CCDC141: variants seen among roughly 807,000 people sequenced by gnomAD.
CCDC141 encodes coiled-coil domain containing 141, also known as coiled-coil domain-containing protein 141.
A neutral mutation model predicts 181.0 loss-of-function variants in CCDC141; 168 were observed. The observed-to-expected ratio is 0.93, with a 90% confidence interval of 0.82 to 1.05. The LOEUF is 1.05. Among genes scored for constraint, CCDC141 ranks in the 50% least tolerant of loss-of-function variants. The probability of loss-of-function intolerance (pLI) is 0.00; values close to 1 mark genes in which losing one functional copy is unlikely to be tolerated. For synonymous variants in CCDC141, 666 were observed against 642.3 expected, an observed-to-expected ratio of 1.04 and a Z score of -0.56; for missense variants, 1,902 against 1,788.5, an observed-to-expected ratio of 1.06 and a Z score of -1.14.
Position 179,050,073 on chromosome 2 carries a change from A to G in CCDC141, c.-132T>C, listed in dbSNP as rs1457031579. ...TCAGCTCACACTGATTACTCTGCCA[A>G]AAGGAAAGAACAGGAGGTTAAAAAT... On this transcript the variant is annotated 5_prime_UTR_variant, in exon 1 of 24. Transcript: ENST00000443758. The G allele has an allele frequency of 3.6e-6, 5 of 1,392,456 alleles. No homozygotes were observed. The highest frequency in any genetic ancestry group is 1.5e-5 in the African/African-American group (1 of 68,866). The allele number at this position is 1,392,456 out of a possible 1,614,324, so 86.3% of individuals were successfully genotyped here.
intron 2 of CCDC141, among the ~76,000 whole-genome samples, chr2:179,007,414 C>A (rs956110906): frequency 1.3e-5 from 2 of 152,126 alleles, no homozygotes. Flanking sequence ...CTTTAAATCA[C>A]CTCTGTTTAT....
chr2:178,981,636 G>GTATATATATATATATGTATATA (rs1553495301), intron 2 of CCDC141, among the ~76,000 whole-genome samples: 33 of 62,400 alleles, frequency 5.3e-4, no homozygotes, highest in African/African-American at 1.7e-3. Context: ...GTGTGTGTGT[G>GTATATATATATATATGTATATA]TATATATATA....
chr2:178,868,608 C>CAAAA (rs71393439), intron 15 of CCDC141, among the ~76,000 whole-genome samples: 2 of 85,558 alleles, frequency 2.3e-5, no homozygotes, highest in African/African-American at 9.9e-5. Flanking sequence ...ACTTGAAGTG[C>CAAAA]AAAAAAAAAA....
Position 178,983,524 on chromosome 2 carries a change from G to A in CCDC141, c.226-4849C>T, listed in dbSNP as rs537109739. Among the ~76,000 whole-genome samples the A allele has an allele frequency of 1.8e-3, 267 of 148,554 alleles. 5 individuals are homozygous for A. The South Asian group carries it at 0.023, about 13-fold the overall frequency. On this transcript the variant is annotated intron_variant, in intron 2 of 23. Coordinates refer to ENST00000443758, the MANE Select transcript of CCDC141 (RefSeq NM_173648.4). ...AGACGATCAAATTATTCTGAGCTACGGGAGGACATTCAAACCAAAGGCAAA... is the reference window on the plus strand; with the variant it reads ...AGACGATCAAATTATTCTGAGCTACAGGAGGACATTCAAACCAAAGGCAAA...
intron 1 of CCDC141, 146 bp downstream of exon 1, chr2:179,049,694 T>C (rs1326103340): frequency 8.3e-6 from 6 of 722,048 alleles, no homozygotes; most frequent in South Asian, 5.1e-5. Context: ...TTTCTCTTAG[T>C]AGCCCATTTT....
intron 11 of CCDC141, among the ~76,000 whole-genome samples, chr2:178,878,766 TATTTATAA>T (rs1340565393): frequency 6.6e-6 from 1 of 152,208 alleles, no homozygotes; most frequent in Non-Finnish European, 1.5e-5. Context: ...GCCAAAATCA[TATTTATAA>T]ATTCTGTGTT....
intron 2 of CCDC141, among the ~76,000 whole-genome samples, chr2:179,015,525 ATC>A (rs1429896876): frequency 7.3e-6 from 1 of 136,142 alleles, no homozygotes; most frequent in Non-Finnish European, 1.6e-5. Context: ...TATCACATAT[ATC>A]TCATATATAT....
At chr2:178,898,893 A>G (rs1687542256) in intron 8 of CCDC141, among the ~76,000 whole-genome samples, 1 of 152,192 alleles carries the variant, frequency 6.6e-6, no homozygotes, top group Non-Finnish European at 1.5e-5. Context: ...ATACATTAAG[A>G]TAAGTGTTTA....
At chr2:178,940,531 GGGGA>G in intron 6 of CCDC141, among the ~76,000 whole-genome samples, 1 of 152,104 alleles carries the variant, frequency 6.6e-6, no homozygotes, top group Non-Finnish European at 1.5e-5. Context: ...AGAGAATAAA[GGGGA>G]AGACAATAAG....
chr2:178,929,053 CAG>C (rs1272126929), intron 6 of CCDC141, among the ~76,000 whole-genome samples: 3 of 152,132 alleles, frequency 2.0e-5, no homozygotes, highest in Admixed American at 2.0e-4. Flanking sequence ...AAAATGAAGA[CAG>C]GGGAATTGAA....
the CCDC141 span, among the ~76,000 whole-genome samples, chr2:178,823,355 A>T: frequency 1.3e-5 from 2 of 152,224 alleles, no homozygotes; most frequent in African/African-American, 2.4e-5. Context: ...TAAAGCTAAG[A>T]AACAGGCAAG....
At chr2:178,972,334 A>G (rs1690928345) in intron 4 of CCDC141, among the ~76,000 whole-genome samples, 1 of 152,230 alleles carries the variant, frequency 6.6e-6, no homozygotes, top group Non-Finnish European at 1.5e-5. Flanking sequence ...TTGGAATTAT[A>G]TACAAATAAC....
chr2:178,864,538 C>G (rs1203082162), intron 17 of CCDC141, among the ~76,000 whole-genome samples: 1 of 152,180 alleles, frequency 6.6e-6, no homozygotes, highest in Non-Finnish European at 1.5e-5. Context: ...CTCTACAGTC[C>G]TGTAGCACAC....
intron 2 of CCDC141, among the ~76,000 whole-genome samples, chr2:179,029,061 T>C (rs1265644146): frequency 2.6e-5 from 4 of 152,174 alleles, no homozygotes; most frequent in African/African-American, 9.7e-5. Flanking sequence ...GAGATCTTCA[T>C]GTGCCCCATG....
Position 178,871,486 on chromosome 2 carries a change from T to C in CCDC141, c.2146A>G (p.Ser716Gly). The change falls in exon 14 of 24, where the codon AGC (serine) becomes GGC (glycine). Residue 716 changes from serine to glycine, a missense_variant. Physicochemically the swap from Ser to Gly is moderately conservative, Grantham distance 56. Coordinates refer to ENST00000443758, the MANE Select transcript of CCDC141 (RefSeq NM_173648.4). ...CGTAGATCTAAAATGAACTGGAGGC[T>C]CCCTCCGAGGTCAAGTGCAGACACA... The part of the protein sequence containing the change: ...MPVSALDLGG[S>G]LQFILDLRQK... 1 of 1,613,584 alleles carries C rather than the reference T, an allele frequency of 6.2e-7. No individual in the cohort carries two copies. Among genetic ancestry groups the C allele is most frequent in the Non-Finnish European group, 8.5e-7 (1 of 1,179,798 alleles).
At chr2:178,885,264 C>A (rs897897541) in intron 10 of CCDC141, among the ~76,000 whole-genome samples, 172 bp from the exon 11 acceptor site, 1 of 149,972 alleles carries the variant, frequency 6.7e-6, no homozygotes, top group Admixed American at 6.6e-5. Context: ...AAAAAGGGCA[C>A]TTTAGAATGA....
At chr2:178,904,761 T>C (rs552480529) in intron 8 of CCDC141, among the ~76,000 whole-genome samples, 7 of 152,248 alleles carry the variant, frequency 4.6e-5, no homozygotes, top group African/African-American at 1.7e-4. Flanking sequence ...CCCACTAAGC[T>C]CAACATTGAT....
chr2:178,968,401 T>C (rs1690730908), intron 4 of CCDC141, among the ~76,000 whole-genome samples: 1 of 152,106 alleles, frequency 6.6e-6, no homozygotes, highest in African/African-American at 2.4e-5. Context: ...CAGACCACAG[T>C]GCAATCATAT....
chr2:179,019,803 G>C (rs2042643353), intron 2 of CCDC141, among the ~76,000 whole-genome samples: 1 of 151,898 alleles, frequency 6.6e-6, no homozygotes, highest in South Asian at 2.1e-4. Context: ...ATCTCACTCT[G>C]TCTCCCAGAC....
Sources: gnomAD v4.1 joint callset for allele counts (sites outside exome capture counted in the v4.1 genomes callset) on GRCh38, gnomAD v4.1.1 for gene constraint, MANE v1.5 for transcripts, NCBI Gene and HGNC (gene_info 2026-07-23, HGNC 2026-07-21) for gene names.